Variants in GPSM1 observed in about 807,000 individuals in gnomAD.
GPSM1 encodes G protein-signaling modulator 1.
In GPSM1, 48 loss-of-function variants were observed where a neutral mutation model predicts 70.5. The observed-to-expected ratio is 0.68, with a 90% CI of 0.54 to 0.87. The LOEUF is 0.87. Ranked by LOEUF, GPSM1 falls within the 40% of genes least tolerant of loss-of-function variation. The pLI is 0.00. For synonymous variants in GPSM1, 416 were observed against 430.1 expected, an observed-to-expected ratio of 0.97 and a Z score of 0.41; for missense variants, 981 against 972.6, an observed-to-expected ratio of 1.01 and a Z score of -0.11.
intron 9 of GPSM1, among the ~76,000 whole-genome samples, chr9:136,348,214 G>A (rs1361585607): frequency 6.6e-6 from 1 of 152,192 alleles, no homozygotes; most frequent in African/African-American, 2.4e-5. Flanking sequence ...TTGCGTCCCC[G>A]ACCCTGGCCT....
At chr9:136,349,350 A>G (rs1457041437) in intron 10 of GPSM1, among the ~76,000 whole-genome samples, 1 of 152,164 alleles carries the variant, frequency 6.6e-6, no homozygotes, top group Non-Finnish European at 1.5e-5. Context: ...AGTCACTGTC[A>G]TTGCTGGTAT....
At chr9:136,335,893 T>G (rs1165346756) in intron 2 of GPSM1, 73 bp from the exon 3 acceptor site, 3 of 1,492,314 alleles carry the variant, frequency 2.0e-6, no homozygotes, top group African/African-American at 2.7e-5. Flanking sequence ...CCCCACCCCA[T>G]GCTCAGCCTC....
chr9:136,337,336 G>A lies in GPSM1; in HGVS notation c.579-105G>A, dbSNP rs1422379287. On this transcript the variant is annotated intron_variant, in intron 4 of 13. Transcript: ENST00000440944. Reference sequence around the variant, plus strand: ...CTACCCTAGCCACCCTCTTTCCAGGGCATGGCCCTGAGGCCGCATGGAGGC... The same window carrying A: ...CTACCCTAGCCACCCTCTTTCCAGGACATGGCCCTGAGGCCGCATGGAGGC... 29 of 1,486,206 alleles carry A rather than the reference G, an allele frequency of 2.0e-5. No individual in the cohort carries two copies. In the South Asian group the frequency reaches 2.6e-4, roughly 13 times the overall value. 92.1% of individuals were successfully genotyped at this position (1,486,206 alleles called of 1,614,324 possible). A position where few individuals can be genotyped will look rare whatever the true frequency, so the allele number is the denominator to read the frequency against.
rs550397072 is a variant in GPSM1, at chr9:136,359,578, G to A, written c.*1358G>A. On this transcript the variant is annotated 3_prime_UTR_variant, in exon 14 of 14. Transcript: ENST00000440944. The stretch of plus-strand genomic sequence containing the variant: ...GTACATTTGTTTTTCTGTTTTTCCT[G>A]AAAAATAAAGTCGGCCAAGTGAGTG... 6.6e-6 allele frequency: 1 copy of A among 152,510 alleles called. No individual in the cohort carries two copies. Among genetic ancestry groups the A allele is most frequent in the African/African-American group, 2.4e-5 (1 of 41,564 alleles). The allele number at this position is 152,510 out of a possible 1,614,324, so 9.4% of individuals were successfully genotyped here.
chr9:136,337,663 C>T, intron 5 of GPSM1, 99 bp downstream of exon 5: 2 of 1,242,904 alleles, frequency 1.6e-6, no homozygotes, highest in Non-Finnish European at 1.1e-6. Flanking sequence ...GGTGGTATGG[C>T]CAGGCAGCAG....
chr9:136,344,176 G>A (rs1448741148), intron 9 of GPSM1, among the ~76,000 whole-genome samples: 3 of 146,354 alleles, frequency 2.0e-5, no homozygotes, highest in Admixed American at 6.8e-5. Context: ...GGGGGGAGGC[G>A]CGGACAGGAG....
intron 13 of GPSM1, 31 bp from the exon 14 acceptor site, chr9:136,357,983 T>C (rs199610914): frequency 6.3e-7 from 1 of 1,579,542 alleles, no homozygotes; most frequent in East Asian, 2.2e-5. Flanking sequence ...GCTGGGGGGG[T>C]GAGGCCGCCA....
At chr9:136,355,569 G>A in intron 11 of GPSM1, 121 bp from the exon 12 acceptor site, 1 of 905,164 alleles carries the variant, frequency 1.1e-6, no homozygotes, top group Non-Finnish European at 1.7e-6. Flanking sequence ...CAGGGGGCAG[G>A]TTAGAGTCCC....
In GPSM1 at chr9:136,358,508, C is replaced by T; in HGVS notation, c.*288C>T. On this transcript the variant is annotated 3_prime_UTR_variant, in exon 14 of 14. Transcript: ENST00000440944. ...CCGACCTGGTGCTGTCAGACTCCCG[C>T]ATCCTCTCCCCCAAGCCCTTCCCGT... 1.9e-6 allele frequency: 1 copy of T among 536,008 alleles called. No homozygotes were observed. Among genetic ancestry groups the T allele is most frequent in the East Asian group, 3.4e-5 (1 of 29,622 alleles). 33.2% of individuals were successfully genotyped at this position (536,008 alleles called of 1,614,324 possible). A position where few individuals can be genotyped will look rare whatever the true frequency, so the allele number is the denominator to read the frequency against.
In GPSM1 at chr9:136,358,347, G is replaced by T; in HGVS notation, c.*127G>T. On this transcript the variant is annotated 3_prime_UTR_variant, in exon 14 of 14. Transcript: ENST00000440944. Reference sequence around the variant, plus strand: ...GGGCATGCAGCCCCACGGCCTCCCCGACCCAGGGCGACAGGCTCAGGCCAA... The same window carrying T: ...GGGCATGCAGCCCCACGGCCTCCCCTACCCAGGGCGACAGGCTCAGGCCAA... 1 of 874,222 alleles carries T rather than the reference G, an allele frequency of 1.1e-6. No homozygotes were observed. Among genetic ancestry groups the T allele is most frequent in the Non-Finnish European group, 1.7e-6 (1 of 574,622 alleles). The allele number at this position is 874,222 out of a possible 1,614,324, so 54.2% of individuals were successfully genotyped here.
intron 13 of GPSM1, among the ~76,000 whole-genome samples, chr9:136,357,081 C>G (rs1235361739): frequency 2.0e-5 from 3 of 152,194 alleles, no homozygotes; most frequent in Non-Finnish European, 4.4e-5. Context: ...AGCCTGGCAG[C>G]CACGCCAGGA....
intron 13 of GPSM1, among the ~76,000 whole-genome samples, chr9:136,356,770 A>AC (rs1286400538): frequency 7.2e-5 from 11 of 151,776 alleles, no homozygotes; most frequent in South Asian, 4.2e-4. Flanking sequence ...GACACCAGAG[A>AC]CCCCCCCTGG....
chr9:136,338,919 T>C (rs1201247269), intron 7 of GPSM1, among the ~76,000 whole-genome samples: 4 of 152,134 alleles, frequency 2.6e-5, no homozygotes, highest in African/African-American at 9.7e-5. Context: ...GGGGTCCCCC[T>C]CCCATCCCTC....
intron 13 of GPSM1, among the ~76,000 whole-genome samples, chr9:136,357,409 C>T (rs1832860920): frequency 4.6e-5 from 7 of 152,234 alleles, no homozygotes; most frequent in Admixed American, 4.6e-4. Flanking sequence ...GCCCAGAGTC[C>T]CCCATCCACA....
chr9:136,349,036 G>A (rs954091548), intron 10 of GPSM1, among the ~76,000 whole-genome samples: 1 of 152,178 alleles, frequency 6.6e-6, no homozygotes, highest in Non-Finnish European at 1.5e-5. Context: ...CCACACCCTC[G>A]GGAGCCCACA....
Position 136,343,798 on chromosome 9 carries a change from C to T in GPSM1, c.1207+2805C>T, listed in dbSNP as rs563111057. Among the ~76,000 whole-genome samples, 1 of 152,310 alleles carries T rather than the reference C, an allele frequency of 6.6e-6. No homozygotes were observed. The highest frequency in any genetic ancestry group is 1.9e-4 in the East Asian group (1 of 5,166). On this transcript the variant is annotated intron_variant, in intron 9 of 13. Coordinates refer to ENST00000440944, the MANE Select transcript of GPSM1 (RefSeq NM_001145638.3). The surrounding 1 kb of genome is among the most constrained non-coding windows in gnomAD (Gnocchi z 6.0). Reference sequence around the variant, plus strand: ...GCGTTCGGGCCCTGGGTGGACGAGGCAGGTGTGGCTGCAGCACCATCCGCC... The same window carrying T: ...GCGTTCGGGCCCTGGGTGGACGAGGTAGGTGTGGCTGCAGCACCATCCGCC...
chr9:136,353,628 A>T (rs1588707616), intron 11 of GPSM1, among the ~76,000 whole-genome samples: 1 of 152,184 alleles, frequency 6.6e-6, no homozygotes, highest in African/African-American at 2.4e-5. Context: ...GCTGCCCGAC[A>T]TAGGACCCTG....
chr9:136,353,059 C>T (rs1241660133), intron 11 of GPSM1: 19 of 983,414 alleles, frequency 1.9e-5, no homozygotes, highest in Admixed American at 6.2e-5. Flanking sequence ...TTGGGCAGGG[C>T]GGTGGTGGCC....
chr9:136,337,197 G>T, intron 4 of GPSM1, 125 bp downstream of exon 4: 1 of 1,076,810 alleles, frequency 9.3e-7, no homozygotes. Context: ...GTGACGGCCA[G>T]GTCCGCCCAC....
Sources: gnomAD v4.1 joint callset for allele counts (sites outside exome capture counted in the v4.1 genomes callset) on GRCh38, gnomAD v4.1.1 for gene constraint, Gnocchi (gnomAD v3.1) non-coding constraint, MANE v1.5 for transcripts, NCBI Gene and HGNC (gene_info 2026-07-23, HGNC 2026-07-21) for gene names.